The following ADAD1 variants were observed in gnomAD, a reference collection of about 807,000 sequenced individuals.
The protein encoded by ADAD1 is adenosine deaminase domain-containing protein 1.
Under a neutral mutation model 66.8 loss-of-function variants are expected in ADAD1, and 46 were observed. That is an observed-to-expected ratio of 0.69 (90% confidence interval 0.54 to 0.88). The LOEUF (loss-of-function observed/expected upper bound fraction) is 0.88. Ranked by LOEUF, ADAD1 falls within the 40% of genes least tolerant of loss-of-function variation. The pLI is 0.00. For synonymous variants in ADAD1, 248 were observed against 229.4 expected, an observed-to-expected ratio of 1.08 and a Z score of -0.73; for missense variants, 617 against 681.8, an observed-to-expected ratio of 0.91 and a Z score of 1.06.
At chr4:122,412,463 T>C in intron 9 of ADAD1, 117 bp from the exon 10 acceptor site, 2 of 801,778 alleles carry the variant, frequency 2.5e-6, no homozygotes, top group Non-Finnish European at 3.9e-6. Flanking sequence ...TTTCTGTTAC[T>C]GGAATTAAAT....
intron 12 of ADAD1, among the ~76,000 whole-genome samples, chr4:122,427,435 A>G (rs1241073265): frequency 1.3e-5 from 2 of 150,210 alleles, no homozygotes; most frequent in Non-Finnish European, 3.0e-5. Context: ...AAATTAATTT[A>G]TAGTTTCAAT....
At chr4:122,411,144 C>A in intron 8 of ADAD1, 78 bp from the exon 9 acceptor site, 1 of 1,148,256 alleles carries the variant, frequency 8.7e-7, no homozygotes, top group Non-Finnish European at 1.2e-6. Context: ...TTGCTTCTGA[C>A]ACATGTGGAC....
At chr4:122,387,134 ATTTTC>A (rs57257552) in intron 5 of ADAD1, among the ~76,000 whole-genome samples, 150,034 of 152,174 alleles carry the variant, frequency 0.99, 73,999 homozygotes, top group Middle Eastern at 1. Flanking sequence ...CAGTATGGCC[ATTTTC>A]TTTTCACGAT....
At chr4:122,398,142 C>T (rs1389388622) in intron 7 of ADAD1, among the ~76,000 whole-genome samples, 8 of 151,662 alleles carry the variant, frequency 5.3e-5, no homozygotes, top group Non-Finnish European at 7.4e-5. Context: ...CCCTCATCCC[C>T]CCTGCTACCC....
chr4:122,380,841 TG>T, intron 3 of ADAD1, 150 bp from the exon 4 acceptor site: 2 of 701,064 alleles, frequency 2.9e-6, no homozygotes, highest in Non-Finnish European at 4.6e-6. Context: ...GTGCTTGTCA[TG>T]TGTGCCAAAA....
At chr4:122,416,706 C>T (rs973304002) in intron 11 of ADAD1, among the ~76,000 whole-genome samples, 3 of 151,638 alleles carry the variant, frequency 2.0e-5, no homozygotes, top group Non-Finnish European at 4.4e-5. Flanking sequence ...GCACTCCAGC[C>T]TGGGCAACAG....
chr4:122,415,723 C>T (rs1442015835), intron 11 of ADAD1, 107 bp downstream of exon 11: 2 of 967,524 alleles, frequency 2.1e-6, no homozygotes, highest in Non-Finnish European at 3.1e-6. Context: ...GAACTCTGAA[C>T]AATAATTATT....
chr4:122,411,136 GCTT>G, intron 8 of ADAD1, 83 bp from the exon 9 acceptor site: 2 of 1,064,466 alleles, frequency 1.9e-6, no homozygotes, highest in Non-Finnish European at 2.6e-6. Context: ...GCAGGACATT[GCTT>G]CTGACACATG....
intron 3 of ADAD1, among the ~76,000 whole-genome samples, chr4:122,380,750 C>T (rs1412320654): frequency 6.6e-6 from 1 of 152,226 alleles, no homozygotes; most frequent in East Asian, 1.9e-4. Flanking sequence ...TTCCATGACC[C>T]TTGATATCAC....
chr4:122,386,649 T>C (rs997137616), intron 5 of ADAD1, among the ~76,000 whole-genome samples: 3 of 152,218 alleles, frequency 2.0e-5, no homozygotes, highest in Non-Finnish European at 4.4e-5. Flanking sequence ...GGTTTTCTTC[T>C]AGGGATTTTA....
intron 5 of ADAD1, among the ~76,000 whole-genome samples, chr4:122,390,890 A>G (rs541989620): frequency 6.6e-6 from 1 of 152,230 alleles, no homozygotes; most frequent in Admixed American, 6.5e-5. Context: ...CCATTCAGTT[A>G]TGTGCCCTTG....
intron 4 of ADAD1, 97 bp from the exon 5 acceptor site, chr4:122,383,702 G>A: frequency 1.5e-6 from 2 of 1,355,416 alleles, no homozygotes; most frequent in Non-Finnish European, 2.0e-6. Context: ...GGTAGTTTTT[G>A]AGAATTTTTG....
intron 5 of ADAD1, 78 bp downstream of exon 5, chr4:122,384,044 G>A: frequency 7.7e-7 from 1 of 1,299,930 alleles, no homozygotes; most frequent in Non-Finnish European, 1.0e-6. Context: ...TTATGTTAAT[G>A]AGAGTTACTT....
chr4:122,420,297 T>A (rs192071887), intron 11 of ADAD1, among the ~76,000 whole-genome samples: 1 of 152,306 alleles, frequency 6.6e-6, no homozygotes, highest in East Asian at 1.9e-4. Context: ...AGCTGAATGG[T>A]TTTTCTGGAT....
intron 7 of ADAD1, among the ~76,000 whole-genome samples, chr4:122,400,210 C>A (rs1795908793): frequency 1.3e-5 from 2 of 152,044 alleles, no homozygotes; most frequent in African/African-American, 4.8e-5. Context: ...GGGTTTTAAT[C>A]TTAAAGCGAT....
chr4:122,381,472 C>T (rs2150525726), intron 4 of ADAD1, among the ~76,000 whole-genome samples: 1 of 152,270 alleles, frequency 6.6e-6, no homozygotes, highest in South Asian at 2.1e-4. Context: ...GTATCATAAA[C>T]ATGCTTTTGT....
At chr4:122,420,683 G>A (rs1409986440) in intron 11 of ADAD1, among the ~76,000 whole-genome samples, 2 of 152,082 alleles carry the variant, frequency 1.3e-5, no homozygotes, top group African/African-American at 2.4e-5. Flanking sequence ...ACAATAAAGG[G>A]GAAAAGTTAC....
At chr4:122,419,713 C>T (rs571301209) in intron 11 of ADAD1, among the ~76,000 whole-genome samples, 1 of 152,054 alleles carries the variant, frequency 6.6e-6, no homozygotes, top group Admixed American at 6.5e-5. Context: ...AAGATAGTAA[C>T]GTAATAGAAA....
At chr4:122,426,935 C>T (rs901033922) in intron 12 of ADAD1, among the ~76,000 whole-genome samples, 6 of 152,136 alleles carry the variant, frequency 3.9e-5, no homozygotes, top group Non-Finnish European at 8.8e-5. Flanking sequence ...GGGAAGAAGG[C>T]GAGAATGTGT....
Sources: gnomAD v4.1 joint callset for allele counts (sites outside exome capture counted in the v4.1 genomes callset) on GRCh38, gnomAD v4.1.1 for gene constraint, MANE v1.5 for transcripts, NCBI Gene and HGNC (gene_info 2026-07-23, HGNC 2026-07-21) for gene names.